The following TASP1 variants were observed in gnomAD, a reference collection of about 807,000 sequenced individuals.
TASP1 encodes the protein taspase 1, also known as threonine aspartase 1.
In TASP1, 16 loss-of-function variants were observed where a neutral mutation model predicts 56.6. The observed-to-expected ratio is 0.28, with a 90% CI of 0.19 to 0.43. The LOEUF is 0.43. Ranked by LOEUF, TASP1 falls within the 20% of genes least tolerant of loss-of-function variation. The pLI is 1.00. For missense variants in TASP1, 393 were observed against 511.6 expected, an observed-to-expected ratio of 0.77 and a Z score of 2.24; for synonymous variants, 179 against 184.2, an observed-to-expected ratio of 0.97 and a Z score of 0.23.
intron 10 of TASP1, among the ~76,000 whole-genome samples, chr20:13,513,819 T>C (rs1228421606): frequency 6.6e-6 from 1 of 152,074 alleles, no homozygotes; most frequent in Non-Finnish European, 1.5e-5. Context: ...TTATTCCAGA[T>C]ACAAATGTTA....
the TASP1 span, among the ~76,000 whole-genome samples, chr20:13,152,345 TACCTGATCCAATTAGTAGCCACC>T: frequency 6.6e-6 from 1 of 152,206 alleles, no homozygotes; most frequent in African/African-American, 2.4e-5. Context: ...CTTTAGAGGC[TACCTGATCCAATTAGTAGCCACC>T]ACCTGAATTA....
At chr20:13,108,760 G>C in the TASP1 span, among the ~76,000 whole-genome samples, 1 of 152,074 alleles carries the variant, frequency 6.6e-6, no homozygotes, top group Non-Finnish European at 1.5e-5. Flanking sequence ...ATTTTTAGTA[G>C]AGACTGGGTT....
chr20:13,390,152 GCACACACT>G lies in TASP1; in HGVS notation c.*200_*207del. The G allele has an allele frequency of 1.9e-6, 1 of 529,264 alleles. No individual in the cohort carries two copies. The highest frequency in any genetic ancestry group is 3.4e-6 in the Non-Finnish European group (1 of 290,472). 32.8% of individuals were successfully genotyped at this position (529,264 alleles called of 1,614,324 possible). A position where few individuals can be genotyped will look rare whatever the true frequency, so the allele number is the denominator to read the frequency against. ...CATACACATATGTGCGCACATACGCGCACACACTCACACACAGTCCCGCTCACCCACCA... is the reference window on the plus strand; with the variant it reads ...CATACACATATGTGCGCACATACGCGCACACACAGTCCCGCTCACCCACCA... On this transcript the variant is annotated 3_prime_UTR_variant, in exon 14 of 14. Coordinates refer to ENST00000337743, the MANE Select transcript of TASP1 (RefSeq NM_017714.3).
chr20:13,413,524 T>A (rs542423867), intron 13 of TASP1, among the ~76,000 whole-genome samples: 16 of 152,274 alleles, frequency 1.1e-4, no homozygotes, highest in Middle Eastern at 3.4e-3. Context: ...TGTAATGGGA[T>A]GTGTTATCTG....
intron 10 of TASP1, among the ~76,000 whole-genome samples, chr20:13,521,160 T>C (rs1325205593): frequency 1.3e-5 from 2 of 152,118 alleles, no homozygotes; most frequent in African/African-American, 4.8e-5. Context: ...ATAGGAACAC[T>C]TTTACACTGT....
chr20:13,345,593 G>A, the TASP1 span, among the ~76,000 whole-genome samples: 1 of 152,314 alleles, frequency 6.6e-6, no homozygotes, highest in African/African-American at 2.4e-5. Context: ...ACTGGGGGAG[G>A]GAGGGAGGTC....
chr20:13,109,671 C>G, the TASP1 span, among the ~76,000 whole-genome samples: 6 of 152,152 alleles, frequency 3.9e-5, no homozygotes, highest in African/African-American at 1.4e-4. Flanking sequence ...AATCAAGGCT[C>G]AAAGTGTAGG....
At chr20:13,406,962 G>C (rs964821158) in intron 13 of TASP1, among the ~76,000 whole-genome samples, 1 of 152,056 alleles carries the variant, frequency 6.6e-6, no homozygotes, top group Non-Finnish European at 1.5e-5. Context: ...CACCGTGCCC[G>C]GCTATTTTGA....
At chr20:13,243,659 A>G in the TASP1 span, among the ~76,000 whole-genome samples, 1 of 152,060 alleles carries the variant, frequency 6.6e-6, no homozygotes, top group African/African-American at 2.4e-5. Context: ...TGAATAAAAA[A>G]AAATTAGCCC....
At chr20:13,298,613 A>G in the TASP1 span, among the ~76,000 whole-genome samples, 1 of 152,220 alleles carries the variant, frequency 6.6e-6, no homozygotes, top group Non-Finnish European at 1.5e-5. Flanking sequence ...CCAGGTGATG[A>G]AATATGGGTA....
the TASP1 span, among the ~76,000 whole-genome samples, chr20:13,372,840 AT>A: frequency 6.6e-6 from 1 of 152,040 alleles, no homozygotes; most frequent in Non-Finnish European, 1.5e-5. Flanking sequence ...ATACATCAGA[AT>A]TCATCAGAAT....
In TASP1 at chr20:13,476,275, G is replaced by C. The variant is rs760670011; in HGVS notation, c.985+6952C>G. Among the ~76,000 whole-genome samples, 32 of 152,016 alleles carry C rather than the reference G, an allele frequency of 2.1e-4. 1 individual carries two copies. Among genetic ancestry groups the C allele is most frequent in the Non-Finnish European group, 5.9e-5 (4 of 68,014 alleles). On this transcript the variant is annotated intron_variant, in intron 11 of 13. Coordinates refer to ENST00000337743, the MANE Select transcript of TASP1 (RefSeq NM_017714.3). ...TTAGATTCATATATGAGATTTCTTTGAGATCTGAGCTGACAGTGTACTCCT... is the reference window on the plus strand; with the variant it reads ...TTAGATTCATATATGAGATTTCTTTCAGATCTGAGCTGACAGTGTACTCCT...
At chr20:13,352,447 C>CAAAAA in the TASP1 span, among the ~76,000 whole-genome samples, 1 of 85,368 alleles carries the variant, frequency 1.2e-5, no homozygotes, top group Non-Finnish European at 2.7e-5. Context: ...AAGACTGTCT[C>CAAAAA]AAAAAAAAAA....
chr20:13,472,971 C>A (rs985729034), intron 11 of TASP1, among the ~76,000 whole-genome samples: 4 of 152,108 alleles, frequency 2.6e-5, no homozygotes, highest in Non-Finnish European at 4.4e-5. Flanking sequence ...TTGACCCAGC[C>A]ATCCCATTAC....
At chr20:13,198,020 A>G in the TASP1 span, among the ~76,000 whole-genome samples, 13 of 152,182 alleles carry the variant, frequency 8.5e-5, no homozygotes, top group African/African-American at 3.1e-4. Flanking sequence ...AAAACTTACC[A>G]TCTATCTTGA....
intron 13 of TASP1, among the ~76,000 whole-genome samples, chr20:13,403,365 G>A (rs1337627894): frequency 6.6e-6 from 1 of 152,138 alleles, no homozygotes; most frequent in Admixed American, 6.5e-5. Flanking sequence ...GAGCATAACT[G>A]CAGTGTAAAT....
the TASP1 span, chr20:13,166,766 A>T: frequency 6.6e-6 from 1 of 152,164 alleles, no homozygotes; most frequent in Non-Finnish European, 1.5e-5. Context: ...TTCTTTCTGG[A>T]TCTGTCTGTG....
chr20:13,135,494 T>G, the TASP1 span, among the ~76,000 whole-genome samples: 27 of 152,338 alleles, frequency 1.8e-4, no homozygotes, highest in African/African-American at 5.3e-4. Flanking sequence ...CTAGTGAATA[T>G]TAGATATTAA....
At chr20:13,543,632 C>G (rs1410826034) in intron 8 of TASP1, among the ~76,000 whole-genome samples, 2 of 152,078 alleles carry the variant, frequency 1.3e-5, no homozygotes, top group East Asian at 3.9e-4. Context: ...CACTTCCCGA[C>G]CAAACAGGAG....
Sources: allele counts gnomAD v4.1 joint callset (sites outside exome capture counted in the v4.1 genomes callset), GRCh38; gene constraint gnomAD v4.1.1; transcripts MANE v1.5; gene names NCBI Gene and HGNC (gene_info 2026-07-23, HGNC 2026-07-21).